Variants in DLG2 observed in about 807,000 individuals in gnomAD.
The protein encoded by DLG2 is discs large MAGUK scaffold protein 2, also known as disks large homolog 2.
DLG2 carries 45 observed loss-of-function variants against 132.5 expected under a neutral mutation model. The observed-to-expected ratio is 0.34, with a 90% CI of 0.27 to 0.44. The LOEUF is 0.44. Ranked by LOEUF, DLG2 falls within the 20% of genes least tolerant of loss-of-function variation. The pLI is 1.00. For synonymous variants in DLG2, 424 were observed against 419.6 expected (o/e 1.01, Z -0.13); for missense variants, 1,045 against 1,196.9 (o/e 0.87, Z 1.87).
chr11:84,743,433 T>C (rs908661031), intron 6 of DLG2, among the ~76,000 whole-genome samples: 16 of 152,186 alleles, frequency 1.1e-4, no homozygotes, highest in Non-Finnish European at 1.8e-4. Flanking sequence ...ATATTCTGAT[T>C]TGGCTATCAA....
intron 3 of DLG2, among the ~76,000 whole-genome samples, chr11:85,339,077 T>A (rs1311948418): frequency 1.3e-5 from 2 of 152,214 alleles, no homozygotes; most frequent in Non-Finnish European, 2.9e-5. Context: ...ATTTTTTAGA[T>A]CCCCTTATTT....
chr11:84,916,556 C>A (rs2092482784), intron 6 of DLG2, among the ~76,000 whole-genome samples: 1 of 152,028 alleles, frequency 6.6e-6, no homozygotes, highest in Non-Finnish European at 1.5e-5. Context: ...TGTCCCCAGT[C>A]CCACTGGCAC....
chr11:83,672,829 G>A (rs1410706621), intron 18 of DLG2, among the ~76,000 whole-genome samples: 2 of 152,146 alleles, frequency 1.3e-5, no homozygotes, highest in African/African-American at 4.8e-5. Flanking sequence ...TTGGGAGGCC[G>A]AGGCGGGTGA....
chr11:84,314,208 A>G (rs1017265122), intron 7 of DLG2, among the ~76,000 whole-genome samples: 5 of 152,224 alleles, frequency 3.3e-5, no homozygotes, highest in African/African-American at 1.2e-4. Flanking sequence ...CACATTCTGT[A>G]CCACATGTGA....
intron 3 of DLG2, among the ~76,000 whole-genome samples, chr11:85,546,168 C>G (rs1302773573): frequency 6.6e-6 from 1 of 152,148 alleles, no homozygotes; most frequent in Admixed American, 6.5e-5. Context: ...TTAAATGTGT[C>G]CCAGAGATTC....
chr11:83,629,542 T>C (rs971470543), intron 19 of DLG2, among the ~76,000 whole-genome samples: 3 of 152,176 alleles, frequency 2.0e-5, no homozygotes, highest in Admixed American at 6.6e-5. Context: ...AACAAAGGAT[T>C]GTTCTTTAGA....
At chr11:84,494,136 T>C (rs1451228841) in intron 7 of DLG2, among the ~76,000 whole-genome samples, 1 of 152,170 alleles carries the variant, frequency 6.6e-6, no homozygotes, top group African/African-American at 2.4e-5. Context: ...TGACAACTTA[T>C]CTGTATATTC....
At chr11:85,431,715 A>C (rs886552665) in intron 3 of DLG2, among the ~76,000 whole-genome samples, 1 of 152,248 alleles carries the variant, frequency 6.6e-6, no homozygotes, top group Non-Finnish European at 1.5e-5. Flanking sequence ...TCCATGAACC[A>C]GCAGACATAG....
At position 85,221,192 on chromosome 11, in the gene DLG2, G is replaced by A. The variant is rs865992071; in HGVS notation, c.186+64028C>T. ...CGAGTAGCTGGGACTACAGGTGCCCGCCACCACACCCGGCTAATTTTTTGT... is the reference window on the plus strand; with the variant it reads ...CGAGTAGCTGGGACTACAGGTGCCCACCACCACACCCGGCTAATTTTTTGT... On this transcript the variant is annotated intron_variant, in intron 4 of 27. Transcript: ENST00000376104. 5.3e-5 allele frequency among the ~76,000 whole-genome samples: 8 copies of A among 151,738 alleles called. No homozygotes were observed. In the South Asian group the frequency reaches 8.3e-4, roughly 16 times the overall value.
At chr11:83,477,115 T>G in intron 22 of DLG2, among the ~76,000 whole-genome samples, 1 of 152,090 alleles carries the variant, frequency 6.6e-6, no homozygotes, top group Admixed American at 6.6e-5. Flanking sequence ...AATTATCAGC[T>G]TGCACACATC....
chr11:83,625,676 T>C (rs1331374810), intron 19 of DLG2, among the ~76,000 whole-genome samples: 1 of 152,166 alleles, frequency 6.6e-6, no homozygotes, highest in Non-Finnish European at 1.5e-5. Context: ...TTCCCTTACT[T>C]CAAGTTGTCT....
intron 10 of DLG2, among the ~76,000 whole-genome samples, chr11:84,062,133 G>A (rs1594398171): frequency 6.6e-6 from 1 of 152,206 alleles, no homozygotes; most frequent in Middle Eastern, 3.4e-3. Flanking sequence ...TATACAGTGG[G>A]ATCCTTAATT....
At chr11:84,861,064 C>A (rs991527669) in intron 6 of DLG2, among the ~76,000 whole-genome samples, 1 of 152,028 alleles carries the variant, frequency 6.6e-6, no homozygotes, top group Non-Finnish European at 1.5e-5. Flanking sequence ...TAAACAACCA[C>A]AATACAGTAT....
At chr11:83,935,314 T>C (rs552890787) in intron 14 of DLG2, among the ~76,000 whole-genome samples, 1 of 152,290 alleles carries the variant, frequency 6.6e-6, no homozygotes, top group Non-Finnish European at 1.5e-5. Context: ...TATAAGAGGA[T>C]TGAATTCCAG....
intron 7 of DLG2, among the ~76,000 whole-genome samples, chr11:84,281,856 C>T (rs2097857962): frequency 2.0e-5 from 3 of 152,050 alleles, no homozygotes; most frequent in Admixed American, 2.0e-4. Context: ...TTTAAAAAGA[C>T]TGACCATATC....
chr11:85,289,745 T>C (rs558330965), intron 3 of DLG2, among the ~76,000 whole-genome samples: 88 of 152,174 alleles, frequency 5.8e-4, no homozygotes, highest in Admixed American at 8.5e-4. Flanking sequence ...TAGGCTTTTC[T>C]GAACACTTGG....
chr11:85,148,062 G>A (rs976106788), intron 5 of DLG2, among the ~76,000 whole-genome samples: 11 of 152,090 alleles, frequency 7.2e-5, no homozygotes, highest in Admixed American at 2.6e-4. Context: ...CTTCATCCAT[G>A]TCCCTGCAAA....
At chr11:84,715,887 C>A (rs892344783) in intron 6 of DLG2, among the ~76,000 whole-genome samples, 1 of 152,004 alleles carries the variant, frequency 6.6e-6, no homozygotes, top group Admixed American at 6.6e-5. Context: ...ATGCAGATAT[C>A]TCTGTGAGAT....
At chr11:85,157,507 C>T (rs545715917) in intron 4 of DLG2, among the ~76,000 whole-genome samples, 20 of 152,144 alleles carry the variant, frequency 1.3e-4, no homozygotes, top group Admixed American at 2.6e-4. Context: ...AGGAGTTTAG[C>T]GACTCTATAC....
Sources: allele counts gnomAD v4.1 joint callset (sites outside exome capture counted in the v4.1 genomes callset), GRCh38; gene constraint gnomAD v4.1.1; transcripts MANE v1.5; gene names NCBI Gene and HGNC (gene_info 2026-07-23, HGNC 2026-07-21).